Variants in ZFYVE16 observed in about 807,000 individuals in gnomAD.
ZFYVE16 encodes the protein zinc finger FYVE-type containing 16.
In ZFYVE16, 89 loss-of-function variants were observed where a neutral mutation model predicts 138.1. The ratio of observed to expected loss-of-function variants is 0.64; its 90% CI spans 0.54 to 0.77. The LOEUF is 0.77. Among genes scored for constraint, ZFYVE16 ranks in the 30% least tolerant of loss-of-function variants. The pLI is 0.00. For missense variants in ZFYVE16, 1,793 were observed against 1,786.7 expected, an observed-to-expected ratio of 1.00 and a Z score of -0.06; for synonymous variants, 596 against 618.3, an observed-to-expected ratio of 0.96 and a Z score of 0.53.
In ZFYVE16 at chr5:80,436,842, A is replaced by G. The variant is rs1235102422; in HGVS notation, c.157A>G (p.Thr53Ala). Residue 53 changes from threonine (T) to alanine (A), a missense_variant, in exon 4 of 19, where the codon ACT (threonine) becomes GCT (alanine). Coordinates refer to ENST00000505560, the MANE Select transcript of ZFYVE16 (RefSeq NM_001284236.3). The stretch of plus-strand genomic sequence containing the variant: ...TTCAGAGTTGGCTTCCTCACAGCGA[A>G]CTTCATTGCTCCCAAAAGACCAAGA... ...VSSELASSQR[T>A]SLLPKDQECV... The G allele has an allele frequency of 6.2e-7, 1 of 1,614,048 alleles. No individual in the cohort carries two copies. Among genetic ancestry groups the G allele is most frequent in the African/African-American group, 1.3e-5 (1 of 74,938 alleles).
chr5:80,445,779 G>T (rs1751266897), intron 7 of ZFYVE16, among the ~76,000 whole-genome samples: 1 of 149,598 alleles, frequency 6.7e-6, no homozygotes, highest in African/African-American at 2.5e-5. Flanking sequence ...TTTTTTTAGA[G>T]ATGTGGTCTC....
chr5:80,421,705 G>A (rs1747207234), intron 1 of ZFYVE16, among the ~76,000 whole-genome samples: 2 of 152,192 alleles, frequency 1.3e-5, no homozygotes, highest in Admixed American at 6.5e-5. Flanking sequence ...TAGCCTTGTA[G>A]TATAGTTTGA....
At chr5:80,461,230 T>C (rs112816662) in intron 15 of ZFYVE16, among the ~76,000 whole-genome samples, 449 of 152,268 alleles carry the variant, frequency 2.9e-3, no homozygotes, top group African/African-American at 0.01. Flanking sequence ...CCAAAAAAAG[T>C]CTGAAATCTG....
intron 15 of ZFYVE16, among the ~76,000 whole-genome samples, chr5:80,465,224 C>T (rs1466189689): frequency 6.6e-6 from 1 of 151,856 alleles, no homozygotes. Flanking sequence ...AGTGTGCCAG[C>T]AACATATTTT....
chr5:80,427,021 T>C (rs1748178769), intron 1 of ZFYVE16, among the ~76,000 whole-genome samples: 1 of 152,104 alleles, frequency 6.6e-6, no homozygotes. Flanking sequence ...AGCCCTTTTA[T>C]GTTCATTGGC....
chr5:80,440,185 CTTCT>C, intron 5 of ZFYVE16, 153 bp downstream of exon 5: 7 of 1,253,530 alleles, frequency 5.6e-6, no homozygotes, highest in Non-Finnish European at 7.0e-6. Context: ...CTTGGTTTCT[CTTCT>C]TTTTGTTCCA....
At chr5:80,439,815 A>T in intron 4 of ZFYVE16, 121 bp from the exon 5 acceptor site, 1 of 562,940 alleles carries the variant, frequency 1.8e-6, no homozygotes, top group Non-Finnish European at 2.9e-6. Context: ...TGATTAGGAA[A>T]TGATTTATAC....
Position 80,436,798 on chromosome 5 carries a change from C to T in ZFYVE16, c.113C>T (p.Ser38Phe). Residue 38 changes from serine (S) to phenylalanine (F), a missense_variant, in exon 4 of 19, where the codon TCT (serine) becomes TTT (phenylalanine). Physicochemically the swap from Ser to Phe is radical, Grantham distance 155 (BLOSUM62 -2). This residue lies in a region of ZFYVE16 where 1,295 missense variants were observed against 1,204.3 expected (regional missense o/e 1.08). Coordinates refer to ENST00000505560, the MANE Select transcript of ZFYVE16 (RefSeq NM_001284236.3). ...YLQDVQNAYD[S>F]NHCSVSSELA... ...CAAGATGTACAAAATGCATATGATT[C>T]TAACCACTGCTCAGTTTCTTCAGAG... The T allele has an allele frequency of 6.2e-7, 1 of 1,614,018 alleles. No homozygotes were observed. The highest frequency in any genetic ancestry group is 8.5e-7 in the Non-Finnish European group (1 of 1,179,984).
At chr5:80,434,948 A>G (rs1269358998) in intron 3 of ZFYVE16, among the ~76,000 whole-genome samples, 1 of 151,726 alleles carries the variant, frequency 6.6e-6, no homozygotes, top group African/African-American at 2.4e-5. Flanking sequence ...TGCAACCTCC[A>G]CTTCCCGGGT....
intron 1 of ZFYVE16, among the ~76,000 whole-genome samples, chr5:80,417,596 T>C (rs912052640): frequency 6.6e-6 from 1 of 152,218 alleles, no homozygotes; most frequent in African/African-American, 2.4e-5. Context: ...AGTATGTAAA[T>C]TCTTTCACTT....
intron 10 of ZFYVE16, 88 bp downstream of exon 10, chr5:80,450,674 A>G (rs1751893113): frequency 2.3e-6 from 3 of 1,299,380 alleles, no homozygotes; most frequent in Non-Finnish European, 2.1e-6. Context: ...TAGCTATACT[A>G]AAGATTTATT....
At chr5:80,420,556 T>C (rs953291778) in intron 1 of ZFYVE16, among the ~76,000 whole-genome samples, 13 of 152,312 alleles carry the variant, frequency 8.5e-5, no homozygotes, top group South Asian at 6.2e-4. Context: ...TTTGGTTTTT[T>C]GTCCTTGCGA....
rs759612778 is a variant in ZFYVE16, at chr5:80,436,985, T to G, written c.300T>G (p.Leu100=). ...AAAATGAAAAAAATGTAACAGGACT[T>G]GATCTTCTTTCTTCTGTGGATGGTG... ...SIQNEKNVTG[L]DLLSSVDGGT... The change falls in exon 4 of 19, where the codon CTT becomes CTG. Residue 100 remains leucine, a synonymous_variant. Transcript: ENST00000505560. The G allele has an allele frequency of 6.2e-7, 1 of 1,614,192 alleles. No individual in the cohort carries two copies. The highest frequency in any genetic ancestry group is 8.5e-7 in the Non-Finnish European group (1 of 1,180,016).
At chr5:80,430,665 A>C (rs11949559) in intron 2 of ZFYVE16, among the ~76,000 whole-genome samples, 117,909 of 151,832 alleles carry the variant, frequency 0.78, 48,913 homozygotes, top group East Asian at 0.92. Context: ...TTTTTTGAAA[A>C]GATCAACAAA....
Position 80,412,881 on chromosome 5 carries a change from T to A in ZFYVE16, c.-94+4728T>A, listed in dbSNP as rs112040470. Among the ~76,000 whole-genome samples, 452 of 152,332 alleles carry A rather than the reference T, an allele frequency of 3.0e-3. 1 individual carries two copies. The highest frequency in any genetic ancestry group is 0.01 in the African/African-American group (432 of 41,582). On this transcript the variant is annotated intron_variant, in intron 1 of 18. Coordinates refer to ENST00000505560, the MANE Select transcript of ZFYVE16 (RefSeq NM_001284236.3). ...CAGTCAAATAGTACTTCAAGGATTA[T>A]AATGAAAAACTGTCTGGGTGTGGTG...
At chr5:80,436,111 C>T (rs1254351776) in intron 3 of ZFYVE16, among the ~76,000 whole-genome samples, 2 of 152,196 alleles carry the variant, frequency 1.3e-5, no homozygotes, top group Non-Finnish European at 2.9e-5. Context: ...TGGCCATCAA[C>T]AGCTCCAGAT....
At chr5:80,427,852 G>C (rs1580153925) in intron 2 of ZFYVE16, among the ~76,000 whole-genome samples, 1 of 149,700 alleles carries the variant, frequency 6.7e-6, no homozygotes, top group African/African-American at 2.4e-5. Context: ...CACGCCTGTA[G>C]TCCCAGCTAC....
chr5:80,457,197 G>C, intron 14 of ZFYVE16, 105 bp downstream of exon 14: 1 of 1,429,864 alleles, frequency 7.0e-7, no homozygotes, highest in Non-Finnish European at 9.4e-7. Context: ...TGAATTGTTG[G>C]TGATAAAACA....
At chr5:80,436,118 A>G (rs939463050) in intron 3 of ZFYVE16, among the ~76,000 whole-genome samples, 1 of 152,208 alleles carries the variant, frequency 6.6e-6, no homozygotes, top group African/African-American at 2.4e-5. Flanking sequence ...CAACAGCTCC[A>G]GATTCACACT....
Sources: gnomAD v4.1 joint callset for allele counts (sites outside exome capture counted in the v4.1 genomes callset) on GRCh38, gnomAD v4.1.1 for gene constraint, gnomAD v4.1.1 regional missense constraint, MANE v1.5 for transcripts, NCBI Gene and HGNC (gene_info 2026-07-23, HGNC 2026-07-21) for gene names.